Variants in CALCR observed in about 807,000 individuals in gnomAD.
The protein encoded by CALCR is calcitonin receptor.
Under a neutral mutation model 59.5 loss-of-function variants are expected in CALCR, and 47 were observed. The observed-to-expected ratio is 0.79, with a 90% CI of 0.63 to 1.01. The LOEUF is 1.01. CALCR is among the 50% of genes least tolerant of loss of function. The pLI is 0.00. For synonymous variants in CALCR, 213 were observed against 211.3 expected (o/e 1.01, Z -0.07); for missense variants, 566 against 597.1 (o/e 0.95, Z 0.54).
chr7:93,488,378 T>C (rs1210246306), intron 2 of CALCR, among the ~76,000 whole-genome samples: 1 of 151,458 alleles, frequency 6.6e-6, no homozygotes, highest in Non-Finnish European at 1.5e-5. Flanking sequence ...GATAGCATCA[T>C]GATGATGGAT....
chr7:93,513,844 G>C (rs2116056202), intron 2 of CALCR, among the ~76,000 whole-genome samples: 1 of 151,226 alleles, frequency 6.6e-6, no homozygotes, highest in Non-Finnish European at 1.5e-5. Flanking sequence ...TAAACATATA[G>C]ATATTTATTT....
chr7:93,559,506 A>G (rs1448840415), intron 2 of CALCR: 1 of 152,082 alleles, frequency 6.6e-6, no homozygotes, highest in East Asian at 1.9e-4. Context: ...ATTTCATCCA[A>G]AATATTTCCA....
intron 2 of CALCR, among the ~76,000 whole-genome samples, chr7:93,529,275 GTGGCACCTCCC>G (rs1243072465): frequency 6.6e-6 from 1 of 152,100 alleles, no homozygotes; most frequent in East Asian, 1.9e-4. Flanking sequence ...TTAAAAGTGT[GTGGCACCTCCC>G]CACTCTCTCC....
intron 9 of CALCR, among the ~76,000 whole-genome samples, chr7:93,439,332 T>C (rs770009652): frequency 6.6e-6 from 1 of 152,206 alleles, no homozygotes; most frequent in Non-Finnish European, 1.5e-5. Context: ...AAAACATGAT[T>C]GTGTTATTCA....
chr7:93,512,479 G>A (rs1801566591), intron 2 of CALCR, among the ~76,000 whole-genome samples: 1 of 151,904 alleles, frequency 6.6e-6, no homozygotes, highest in South Asian at 2.1e-4. Flanking sequence ...TTTCTTTTAT[G>A]GCATCACAAT....
At chr7:93,524,176 T>A (rs1438230300) in intron 2 of CALCR, among the ~76,000 whole-genome samples, 1 of 147,622 alleles carries the variant, frequency 6.8e-6, no homozygotes, top group Admixed American at 6.8e-5. Context: ...TTTTTTTTCT[T>A]TTTTTTTTTT....
At chr7:93,435,674 C>T (rs986168493) in intron 12 of CALCR, among the ~76,000 whole-genome samples, 4 of 151,746 alleles carry the variant, frequency 2.6e-5, no homozygotes, top group South Asian at 2.1e-4. Context: ...GGCGTGGTAG[C>T]GCACACCTGT....
intron 7 of CALCR, among the ~76,000 whole-genome samples, chr7:93,464,361 T>C (rs1244466050): frequency 6.6e-6 from 1 of 152,006 alleles, no homozygotes; most frequent in Non-Finnish European, 1.5e-5. Flanking sequence ...AAAAGTTGTT[T>C]TGAAGTTACT....
At chr7:93,510,155 T>G (rs1563002205) in intron 2 of CALCR, among the ~76,000 whole-genome samples, 1 of 151,986 alleles carries the variant, frequency 6.6e-6, no homozygotes. Flanking sequence ...CAGAGTAGAG[T>G]GGTGGGTACT....
chr7:93,568,389 C>T (rs1048436057), intron 2 of CALCR, among the ~76,000 whole-genome samples: 32 of 152,152 alleles, frequency 2.1e-4, no homozygotes, highest in African/African-American at 7.5e-4. Flanking sequence ...ACCCAACTCA[C>T]GACTAAAATT....
chr7:93,460,897 T>C lies in CALCR; in HGVS notation c.572A>G (p.Tyr191Cys), dbSNP rs1422064934. The C allele has an allele frequency of 6.2e-7, 1 of 1,611,968 alleles. No homozygotes were observed. The highest frequency in any genetic ancestry group is 8.5e-7 in the Non-Finnish European group (1 of 1,178,860). ...GATGATAATCATAGAATTCAGAATG[T>C]AAGTAAGAAACATGTTCTTGTGCAG... Reference protein sequence around the residue: ...VTLHKNMFLTYILNSMIIIIH... With the variant: ...VTLHKNMFLTCILNSMIIIIH... Residue 191 changes from tyrosine (Y) to cysteine (C), a missense_variant, in exon 8 of 14, where the codon TAC becomes TGC. Coordinates refer to ENST00000426151, the MANE Select transcript of CALCR (RefSeq NM_001742.4).
chr7:93,457,630 A>G (rs979188870), intron 8 of CALCR, among the ~76,000 whole-genome samples: 2 of 152,188 alleles, frequency 1.3e-5, no homozygotes, highest in Admixed American at 6.5e-5. Flanking sequence ...TGCTCCGTAC[A>G]GAGAGTAACT....
chr7:93,498,197 G>A (rs913159000), intron 2 of CALCR, among the ~76,000 whole-genome samples: 3 of 151,632 alleles, frequency 2.0e-5, no homozygotes, highest in South Asian at 2.1e-4. Flanking sequence ...ACTTTACTTC[G>A]AATTTGAGTA....
chr7:93,550,717 C>T (rs1011734391), intron 2 of CALCR, among the ~76,000 whole-genome samples: 3 of 151,630 alleles, frequency 2.0e-5, no homozygotes, highest in Non-Finnish European at 2.9e-5. Context: ...AAAACACCTA[C>T]TTGATATATT....
chr7:93,453,755 G>T (rs113589782), intron 8 of CALCR, among the ~76,000 whole-genome samples: 98 of 151,706 alleles, frequency 6.5e-4, no homozygotes, highest in African/African-American at 2.3e-3. Context: ...CTGGAGATTG[G>T]GTATATGTTT....
intron 2 of CALCR, among the ~76,000 whole-genome samples, chr7:93,500,581 T>C (rs1562998471): frequency 6.6e-6 from 1 of 151,976 alleles, no homozygotes; most frequent in African/African-American, 2.4e-5. Flanking sequence ...TGTACATACA[T>C]TTATCTTTGT....
At chr7:93,536,763 C>T (rs1161288184) in intron 2 of CALCR, among the ~76,000 whole-genome samples, 1 of 151,534 alleles carries the variant, frequency 6.6e-6, no homozygotes. Context: ...TATTTTTTCT[C>T]ATGTTGGCTT....
chr7:93,526,948 T>G (rs968767839), intron 2 of CALCR, among the ~76,000 whole-genome samples: 1 of 152,048 alleles, frequency 6.6e-6, no homozygotes, highest in Non-Finnish European at 1.5e-5. Flanking sequence ...TAATATAAAG[T>G]GAACCAAATT....
At chr7:93,495,567 G>A (rs964302319) in intron 2 of CALCR, among the ~76,000 whole-genome samples, 1 of 151,366 alleles carries the variant, frequency 6.6e-6, no homozygotes, top group African/African-American at 2.4e-5. Context: ...TTTGAACAAA[G>A]AGTTTCACTT....
Sources: gnomAD v4.1 joint callset for allele counts (sites outside exome capture counted in the v4.1 genomes callset) on GRCh38, gnomAD v4.1.1 for gene constraint, MANE v1.5 for transcripts, NCBI Gene and HGNC (gene_info 2026-07-23, HGNC 2026-07-21) for gene names.